The following DLEU7 variants were observed in gnomAD, a reference collection of about 807,000 sequenced individuals.
The protein encoded by DLEU7 is leukemia-associated protein 7.
In DLEU7, 17 loss-of-function variants were observed where a neutral mutation model predicts 16.0. The observed-to-expected ratio is 1.06, with a 90% CI of 0.73 to 1.59. The LOEUF is 1.59. Among genes scored for constraint, DLEU7 ranks in the 40% most tolerant of loss-of-function variants. The pLI, the probability that DLEU7 is intolerant of heterozygous loss-of-function variation, is 0.00. For synonymous variants in DLEU7, 113 were observed against 139.8 expected (o/e 0.81, Z 1.35); for missense variants, 308 against 314.9 (o/e 0.98, Z 0.17).
At chr13:50,840,792 G>C (rs1342572036) in intron 1 of DLEU7, among the ~76,000 whole-genome samples, 1 of 151,942 alleles carries the variant, frequency 6.6e-6, no homozygotes, top group Non-Finnish European at 1.5e-5. Context: ...TGGGGATGGG[G>C]GGGCAGCACT....
At chr13:50,731,982 C>T (rs1000996199) in intron 1 of DLEU7, among the ~76,000 whole-genome samples, 17 of 152,204 alleles carry the variant, frequency 1.1e-4, no homozygotes, top group Middle Eastern at 3.4e-3. Flanking sequence ...AAATTATATA[C>T]ACTCATACTT....
At chr13:50,815,077 TG>T (rs1304732390) in intron 1 of DLEU7, among the ~76,000 whole-genome samples, 1 of 152,162 alleles carries the variant, frequency 6.6e-6, no homozygotes, top group Non-Finnish European at 1.5e-5. Context: ...GTTATTTATT[TG>T]GCAAACTGTT....
intron 1 of DLEU7, among the ~76,000 whole-genome samples, chr13:50,756,673 C>T (rs1363101564): frequency 6.6e-6 from 1 of 152,160 alleles, no homozygotes; most frequent in African/African-American, 2.4e-5. Context: ...AGCTTTTGTT[C>T]TTCCCCTGCC....
intron 1 of DLEU7, among the ~76,000 whole-genome samples, chr13:50,750,292 A>G (rs886176621): frequency 2.6e-5 from 4 of 152,144 alleles, no homozygotes; most frequent in African/African-American, 9.7e-5. Flanking sequence ...CCATTGGTCT[A>G]TGTGCCTATT....
intron 1 of DLEU7, among the ~76,000 whole-genome samples, chr13:50,757,718 T>G (rs1874804499): frequency 6.6e-6 from 1 of 152,210 alleles, no homozygotes; most frequent in African/African-American, 2.4e-5. Context: ...ATGTTTCTCT[T>G]TCTAAATGTG....
chr13:50,747,719 A>G (rs935165839), intron 1 of DLEU7, among the ~76,000 whole-genome samples: 4 of 152,148 alleles, frequency 2.6e-5, no homozygotes, highest in African/African-American at 9.7e-5. Context: ...GCCTATCCCA[A>G]CGAGAAAGAT....
At chr13:50,728,456 T>A (rs532294087) in intron 1 of DLEU7, among the ~76,000 whole-genome samples, 244 of 152,326 alleles carry the variant, frequency 1.6e-3, no homozygotes, top group African/African-American at 5.4e-3. Flanking sequence ...ACTGCAGAAC[T>A]TTTCAAAAGC....
chr13:50,800,247 A>G (rs911555678), intron 1 of DLEU7, among the ~76,000 whole-genome samples: 1 of 152,208 alleles, frequency 6.6e-6, no homozygotes, highest in East Asian at 1.9e-4. Context: ...TAAAGCACAT[A>G]GTACTTGTAT....
intron 1 of DLEU7, among the ~76,000 whole-genome samples, chr13:50,832,879 T>C (rs968406258): frequency 6.6e-6 from 1 of 152,002 alleles, no homozygotes; most frequent in African/African-American, 2.4e-5. Flanking sequence ...TTGCCTTTGC[T>C]AAGGAGTGTT....
intron 1 of DLEU7, among the ~76,000 whole-genome samples, chr13:50,782,129 G>A (rs184320334): frequency 7.9e-5 from 12 of 152,122 alleles, no homozygotes; most frequent in East Asian, 1.9e-4. Flanking sequence ...TCTTCCCTCC[G>A]TTAGTGGTCT....
Position 50,726,783 on chromosome 13 carries a change from C to A in DLEU7, c.460-13543G>T, listed in dbSNP as rs1452033522. Among the ~76,000 whole-genome samples, 1 of 152,116 alleles carries A rather than the reference C, an allele frequency of 6.6e-6. No individual in the cohort carries two copies. The highest frequency in any genetic ancestry group is 2.4e-5 in the African/African-American group (1 of 41,432). On this transcript the variant is annotated intron_variant, in intron 1 of 1. Coordinates refer to the DLEU7 transcript ENST00000400393. This position sits in a 1 kb window ranked among gnomAD's most constrained non-coding sequence, Gnocchi z 4.0. ...GCTGTGACCTTGACCATGCCCCCTACCTTCCTGGGCCTCAGGAAATGAAGA... is the reference window on the plus strand; with the variant it reads ...GCTGTGACCTTGACCATGCCCCCTAACTTCCTGGGCCTCAGGAAATGAAGA...
At chr13:50,820,006 T>C (rs1441187721), downstream of DLEU7, among the ~76,000 whole-genome samples, 1 of 151,968 alleles carries the variant, frequency 6.6e-6, no homozygotes, top group East Asian at 1.9e-4. Flanking sequence ...AGTAAGCCAG[T>C]GAAGAAGTAA....
At chr13:50,742,729 T>C (rs1183339011) in intron 1 of DLEU7, among the ~76,000 whole-genome samples, 1 of 152,164 alleles carries the variant, frequency 6.6e-6, no homozygotes, top group Non-Finnish European at 1.5e-5. Context: ...AGGAAATATA[T>C]TTGGCTTTTG....
At chr13:50,721,647 T>C (rs1369554918) in intron 1 of DLEU7, among the ~76,000 whole-genome samples, 1 of 152,074 alleles carries the variant, frequency 6.6e-6, no homozygotes, top group Non-Finnish European at 1.5e-5. Context: ...GGAAATAAAA[T>C]TTTTGAAAGA....
intron 1 of DLEU7, among the ~76,000 whole-genome samples, chr13:50,787,479 A>G (rs557601488): frequency 3.9e-5 from 6 of 152,242 alleles, no homozygotes; most frequent in Admixed American, 3.9e-4. Context: ...GCAAAGATGG[A>G]GCAAATCAAA....
chr13:50,782,774 GA>G (rs57072824), intron 1 of DLEU7, among the ~76,000 whole-genome samples: 25,733 of 130,066 alleles, frequency 0.2, 2,455 homozygotes, highest in Middle Eastern at 0.31. Context: ...ACTGTCTACA[GA>G]AAAAAAAAAA....
chr13:50,739,857 A>G (rs902167649), intron 1 of DLEU7, among the ~76,000 whole-genome samples: 1 of 152,146 alleles, frequency 6.6e-6, no homozygotes, highest in Non-Finnish European at 1.5e-5. Flanking sequence ...TAGATACATA[A>G]TGACACTAGA....
In DLEU7 at chr13:50,843,287, C is replaced by CG. The variant is rs1566272343; in HGVS notation, c.359dup (p.Leu121AlafsTer35). The CG allele has an allele frequency of 1.3e-6, 2 of 1,568,082 alleles. No individual in the cohort carries two copies. The highest frequency in any genetic ancestry group is 2.3e-5 in the South Asian group (2 of 87,622). ...AAGTCGAGTCCACCACGCGGGCCAG[C>CG]GCGCTGCGCATCGCCATCTGGGCCA... is the stretch of plus-strand genomic sequence containing the variant. On this transcript the variant is annotated frameshift_variant, in exon 1 of 2. Transcript: ENST00000504404. LOFTEE classifies it high-confidence loss of function. This position sits in a 1 kb window ranked among gnomAD's most constrained non-coding sequence, Gnocchi z 5.7.
At chr13:50,733,040 T>TCA (rs374797853) in intron 1 of DLEU7, among the ~76,000 whole-genome samples, 28 of 152,156 alleles carry the variant, frequency 1.8e-4, no homozygotes, top group African/African-American at 5.8e-4. Context: ...GTATGCGCAC[T>TCA]CACACACACA....
Sources: gnomAD v4.1 joint callset for allele counts (sites outside exome capture counted in the v4.1 genomes callset) on GRCh38, gnomAD v4.1.1 for gene constraint, Gnocchi (gnomAD v3.1) non-coding constraint, MANE v1.5 for transcripts, NCBI Gene and HGNC (gene_info 2026-07-23, HGNC 2026-07-21) for gene names.